The following CACNA2D3 variants were observed in gnomAD, a reference collection of about 807,000 sequenced individuals.
CACNA2D3 encodes calcium voltage-gated channel auxiliary subunit alpha2delta 3, also known as voltage-dependent calcium channel subunit alpha-2/delta-3.
In CACNA2D3, 60 loss-of-function variants were observed where a neutral mutation model predicts 160.6. The ratio of observed to expected loss-of-function variants is 0.37; its 90% confidence interval spans 0.30 to 0.46. The LOEUF is 0.46. CACNA2D3 is among the 20% of genes least tolerant of loss of function. The pLI, the probability that CACNA2D3 is intolerant of heterozygous loss-of-function variation, is 1.00. For synonymous variants in CACNA2D3, 558 were observed against 492.9 expected (o/e 1.13, Z -1.75); for missense variants, 1,205 against 1,365.0 (o/e 0.88, Z 1.85).
chr3:54,844,335 G>T (rs1270962927), intron 16 of CACNA2D3, among the ~76,000 whole-genome samples: 1 of 152,170 alleles, frequency 6.6e-6, no homozygotes, highest in Non-Finnish European at 1.5e-5. Flanking sequence ...ATATTTGGTG[G>T]TGGAGGGAGG....
chr3:54,959,271 G>T (rs544840158), intron 27 of CACNA2D3, among the ~76,000 whole-genome samples: 2 of 152,294 alleles, frequency 1.3e-5, no homozygotes, highest in East Asian at 3.9e-4. Context: ...ACAGTTCCCT[G>T]TCAGCTCTGG....
intron 18 of CACNA2D3, 89 bp from the exon 19 acceptor site, chr3:54,878,929 G>A: frequency 1.4e-6 from 1 of 695,390 alleles, no homozygotes; most frequent in Admixed American, 3.4e-5. Context: ...GTTCAATATG[G>A]AGGCTCCACT....
chr3:54,514,578 G>A (rs1214906799), intron 5 of CACNA2D3, among the ~76,000 whole-genome samples: 1 of 152,202 alleles, frequency 6.6e-6, no homozygotes, highest in Non-Finnish European at 1.5e-5. Context: ...AGGCAGGCGG[G>A]AAGTCAGCAC....
chr3:54,301,981 C>G (rs1417122247), intron 2 of CACNA2D3, among the ~76,000 whole-genome samples: 1 of 152,152 alleles, frequency 6.6e-6, no homozygotes, highest in African/African-American at 2.4e-5. Context: ...TGAAATTGAA[C>G]TACAAAAGCC....
intron 2 of CACNA2D3, among the ~76,000 whole-genome samples, chr3:54,224,699 GTC>G (rs1479744107): frequency 6.6e-6 from 1 of 152,010 alleles, no homozygotes; most frequent in Non-Finnish European, 1.5e-5. Flanking sequence ...TGTATGTCAG[GTC>G]TCTCTTGTTT....
chr3:55,011,035 A>T (rs1353592780), intron 34 of CACNA2D3, among the ~76,000 whole-genome samples: 1 of 152,248 alleles, frequency 6.6e-6, no homozygotes, highest in Non-Finnish European at 1.5e-5. Flanking sequence ...GGGTCACTAT[A>T]GTCATGGCTT....
At chr3:54,890,495 C>CA (rs34740812) in intron 24 of CACNA2D3, among the ~76,000 whole-genome samples, 14,729 of 59,764 alleles carry the variant, frequency 0.25, 1,329 homozygotes, top group Non-Finnish European at 0.31. Context: ...GACTCCGTCT[C>CA]AAAAAAAAAA....
intron 9 of CACNA2D3, among the ~76,000 whole-genome samples, chr3:54,592,342 C>T (rs1186133945): frequency 6.6e-6 from 1 of 152,094 alleles, no homozygotes; most frequent in African/African-American, 2.4e-5. Flanking sequence ...GCACACCATC[C>T]CTGAAGAGGG....
intron 35 of CACNA2D3, among the ~76,000 whole-genome samples, chr3:55,059,184 C>A (rs1704439488): frequency 6.6e-6 from 1 of 152,108 alleles, no homozygotes. Flanking sequence ...CATTCTGAGG[C>A]TATTCTATTT....
At chr3:54,633,919 C>A (rs897345191) in intron 10 of CACNA2D3, among the ~76,000 whole-genome samples, 19 of 152,116 alleles carry the variant, frequency 1.2e-4, no homozygotes. Context: ...GAGATGACAT[C>A]GAGTGCTTTC....
chr3:54,969,964 CT>C (rs1349347651), intron 29 of CACNA2D3, 120 bp downstream of exon 29: 9 of 576,592 alleles, frequency 1.6e-5, no homozygotes, highest in Admixed American at 4.8e-5. Context: ...CTGGGCCAAT[CT>C]AAAAAAAAAA....
At chr3:54,541,076 G>A (rs1285820409) in intron 5 of CACNA2D3, among the ~76,000 whole-genome samples, 4 of 151,992 alleles carry the variant, frequency 2.6e-5, no homozygotes, top group African/African-American at 4.8e-5. Flanking sequence ...AGGATATTGA[G>A]ACCATCCTGG....
chr3:54,801,666 T>C (rs1702990680), intron 13 of CACNA2D3, among the ~76,000 whole-genome samples: 1 of 152,182 alleles, frequency 6.6e-6, no homozygotes, highest in Non-Finnish European at 1.5e-5. Flanking sequence ...TTTTGGCCTA[T>C]CTTTTATATC....
intron 2 of CACNA2D3, among the ~76,000 whole-genome samples, chr3:54,248,086 C>G (rs1167539329): frequency 6.6e-6 from 1 of 152,162 alleles, no homozygotes; most frequent in Non-Finnish European, 1.5e-5. Context: ...CCTCCCACCT[C>G]CAAAAGGTGT....
At position 54,520,672 on chromosome 3, in the gene CACNA2D3, A is replaced by G. The variant is rs535512815; in HGVS notation, c.544+17018A>G. ...GTGTACAATTCAGTGGTTTTAGTGT[A>G]TTCACAGATATTTGCAGCCATCAGT... On this transcript the variant is annotated intron_variant, in intron 5 of 37. Transcript: ENST00000474759. Among the ~76,000 whole-genome samples the G allele has an allele frequency of 3.9e-5, 6 of 152,320 alleles. No homozygotes were observed. In the South Asian group the frequency reaches 1.2e-3, roughly 32 times the overall value.
At chr3:54,607,101 A>G (rs1559525111) in intron 9 of CACNA2D3, among the ~76,000 whole-genome samples, 1 of 152,164 alleles carries the variant, frequency 6.6e-6, no homozygotes, top group Non-Finnish European at 1.5e-5. Context: ...TAAGGTTTCC[A>G]TTTCAATAGT....
At chr3:54,924,594 G>T in intron 27 of CACNA2D3, 1 of 1,552,088 alleles carries the variant, frequency 6.4e-7, no homozygotes, top group African/African-American at 1.4e-5. Context: ...ACACAGATGG[G>T]GGGTTCCAAA....
chr3:54,829,333 A>C (rs1282899478), intron 14 of CACNA2D3, among the ~76,000 whole-genome samples: 1 of 152,016 alleles, frequency 6.6e-6, no homozygotes, highest in Admixed American at 6.6e-5. Context: ...ATGTCTGCCC[A>C]GTGTTGAGGA....
intron 9 of CACNA2D3, among the ~76,000 whole-genome samples, chr3:54,615,997 A>G (rs1224301388): frequency 6.6e-6 from 1 of 152,202 alleles, no homozygotes; most frequent in Admixed American, 6.5e-5. Flanking sequence ...TTGAGGTGGA[A>G]CAATTTCATC....
Sources: allele counts gnomAD v4.1 joint callset (sites outside exome capture counted in the v4.1 genomes callset), GRCh38; gene constraint gnomAD v4.1.1; transcripts MANE v1.5; gene names NCBI Gene and HGNC (gene_info 2026-07-23, HGNC 2026-07-21).